ELAPOR1: variants seen among roughly 807,000 people sequenced by gnomAD.
The protein encoded by ELAPOR1 is endosome-lysosome associated apoptosis and autophagy regulator 1.
A neutral mutation model predicts 119.7 loss-of-function variants in ELAPOR1; 77 were observed. The observed-to-expected ratio is 0.64, with a 90% CI of 0.54 to 0.78. ELAPOR1 has a LOEUF of 0.78. Ranked by LOEUF, ELAPOR1 falls within the 30% of genes least tolerant of loss-of-function variation. ELAPOR1 has a pLI of 0.00. For synonymous variants in ELAPOR1, 481 were observed against 487.2 expected, an observed-to-expected ratio of 0.99 and a Z score of 0.17; for missense variants, 1,115 against 1,270.4, an observed-to-expected ratio of 0.88 and a Z score of 1.86.
At chr1:109,176,027 T>C (rs1040675062) in intron 7 of ELAPOR1, among the ~76,000 whole-genome samples, 23 of 152,274 alleles carry the variant, frequency 1.5e-4, no homozygotes, top group Middle Eastern at 3.4e-3. Context: ...AGAGCATTCA[T>C]TGAAGTCAAA....
chr1:109,144,059 A>ATTTTTTTTTTTTTTTTTT (rs1243626258), intron 1 of ELAPOR1, among the ~76,000 whole-genome samples: 3 of 34,406 alleles, frequency 8.7e-5, no homozygotes, highest in African/African-American at 2.3e-4. Flanking sequence ...ATATATTTAT[A>ATTTTTTTTTTTTTTTTTT]TATTTTTTTT....
Position 109,200,075 on chromosome 1 carries a change from G to A in ELAPOR1, c.2645G>A (p.Trp882Ter), listed in dbSNP as rs1158390661. 1 of 1,614,172 alleles carries A rather than the reference G, an allele frequency of 6.2e-7. No homozygotes were observed. The highest frequency in any genetic ancestry group is 8.5e-7 in the Non-Finnish European group (1 of 1,180,004). ...VAGIQKTTYVWREPKLCSGGI... is the reference protein window; with the variant it reads ...VAGIQKTTYV ...CCCCAACAGAAGACTACTTACGTGT[G>A]GCGAGAACCCAAGCTATGCTCTGGT... The change falls in exon 20 of 22, where the codon TGG becomes TAG. Residue 882 changes from tryptophan to a stop codon, truncating the protein, a stop_gained. Transcript: ENST00000369939. LOFTEE classifies it high-confidence loss of function.
chr1:109,203,289 G>C lies in ELAPOR1; in HGVS notation c.*277G>C, dbSNP rs756332072. 2.2e-6 allele frequency: 1 copy of C among 445,710 alleles called. No individual in the cohort carries two copies. Among genetic ancestry groups the C allele is most frequent in the African/African-American group, 2.1e-5 (1 of 48,084 alleles). The allele number at this position is 445,710 out of a possible 1,614,324, so 27.6% of individuals were successfully genotyped here. ...GCCCATCCGCCAGAGCCATAGCTTC[G>C]TCTGCTCATAATTCTTATAGCTTTG... is the stretch of plus-strand genomic sequence containing the variant. On this transcript the variant is annotated 3_prime_UTR_variant, in exon 22 of 22. Transcript: ENST00000369939.
At chr1:109,159,059 A>T (rs1651076023) in intron 1 of ELAPOR1, among the ~76,000 whole-genome samples, 1 of 151,700 alleles carries the variant, frequency 6.6e-6, no homozygotes, top group Admixed American at 6.6e-5. Context: ...CACCACACCT[A>T]ATTTTTGTAT....
chr1:109,134,038 TG>T (rs1649308222), intron 1 of ELAPOR1, among the ~76,000 whole-genome samples: 1 of 152,042 alleles, frequency 6.6e-6, no homozygotes, highest in Non-Finnish European at 1.5e-5. Context: ...TGGTCATGGG[TG>T]GGCGGAAGTG....
At chr1:109,200,679 T>G in intron 20 of ELAPOR1, 56 bp from the exon 21 acceptor site, 1 of 1,553,160 alleles carries the variant, frequency 6.4e-7, no homozygotes, top group Non-Finnish European at 8.8e-7. Context: ...CTCTACCTCT[T>G]TCCCCCTTAT....
At chr1:109,131,951 T>G (rs746261760) in intron 1 of ELAPOR1, among the ~76,000 whole-genome samples, 19 of 152,176 alleles carry the variant, frequency 1.2e-4, no homozygotes, top group Non-Finnish European at 2.5e-4. Flanking sequence ...GAGGCCAGAC[T>G]TGGAGGCCCT....
At chr1:109,184,034 G>A (rs1339944134) in intron 7 of ELAPOR1, among the ~76,000 whole-genome samples, 1 of 151,988 alleles carries the variant, frequency 6.6e-6, no homozygotes, top group Non-Finnish European at 1.5e-5. Flanking sequence ...TCCAGCCTCA[G>A]CAACAGAACA....
At chr1:109,144,061 A>ATATATTTTTTTTTTTTTTTTTTTTT in intron 1 of ELAPOR1, among the ~76,000 whole-genome samples, 3 of 88,990 alleles carry the variant, frequency 3.4e-5, no homozygotes, top group African/African-American at 9.6e-5. Context: ...ATATTTATAT[A>ATATATTTTTTTTTTTTTTTTTTTTT]TTTTTTTTTT....
chr1:109,184,954 C>G, intron 7 of ELAPOR1, 91 bp from the exon 8 acceptor site: 1 of 918,240 alleles, frequency 1.1e-6, no homozygotes, highest in South Asian at 1.3e-5. Context: ...GCAATGCACC[C>G]AGGGACTTGG....
chr1:109,203,879 C>CAAAAAA lies in ELAPOR1; in HGVS notation c.*883_*888dup, dbSNP rs71069661. On this transcript the variant is annotated 3_prime_UTR_variant, in exon 22 of 22. Transcript: ENST00000369939. Reference sequence around the variant, plus strand: ...TGGGTGACAGAGTGAGACTCTGCCTCAAAAAAAAAAAAAAAAAAAAAGAAA... The same window carrying CAAAAAA: ...TGGGTGACAGAGTGAGACTCTGCCTCAAAAAAAAAAAAAAAAAAAAAAAAAAAGAAA... 9.5e-6 allele frequency: 1 copy of CAAAAAA among 105,124 alleles called. No homozygotes were observed. Among genetic ancestry groups the CAAAAAA allele is most frequent in the Non-Finnish European group, 1.9e-5 (1 of 52,266 alleles). The allele number at this position is 105,124 out of a possible 1,614,324, so 6.5% of individuals were successfully genotyped here.
chr1:109,175,893 T>C (rs1182331364), intron 7 of ELAPOR1, among the ~76,000 whole-genome samples: 4 of 147,122 alleles, frequency 2.7e-5, no homozygotes, highest in African/African-American at 1.0e-4. Context: ...TTAAAATGTA[T>C]AAATTTATAC....
rs11102952 is a variant in ELAPOR1 at position 109,186,831 on chromosome 1, C to T, written c.1042-1346C>T. The T allele has an allele frequency of 6.9e-3, 6,842 of 985,510 alleles. 368 individuals are homozygous for T. In the African/African-American group the frequency reaches 0.11, roughly 15 times the overall value. 61.0% of individuals were successfully genotyped at this position (985,510 alleles called of 1,614,324 possible). A position where few individuals can be genotyped will look rare whatever the true frequency, so the allele number is the denominator to read the frequency against. ...ACGCCAAGGCCTTCTGGGTCAGTAC[C>T]GTGCTTGCTGCCTGAAAGCCCGGGT... On this transcript the variant is annotated intron_variant, in intron 8 of 21. Transcript: ENST00000369939.
chr1:109,148,248 C>T (rs1373976674), intron 1 of ELAPOR1, among the ~76,000 whole-genome samples: 4 of 85,156 alleles, frequency 4.7e-5, no homozygotes, highest in East Asian at 1.1e-3. Flanking sequence ...AAGCGATTCT[C>T]CTGCCTCAGT....
At chr1:109,126,516 G>A (rs1331610534) in intron 1 of ELAPOR1, among the ~76,000 whole-genome samples, 1 of 152,020 alleles carries the variant, frequency 6.6e-6, no homozygotes, top group Non-Finnish European at 1.5e-5. Context: ...TGTTGCCCAG[G>A]CTGGAGTGCA....
chr1:109,150,797 T>C (rs539891148), intron 1 of ELAPOR1, among the ~76,000 whole-genome samples: 31 of 152,228 alleles, frequency 2.0e-4, no homozygotes, highest in Non-Finnish European at 4.1e-4. Flanking sequence ...CTCTGGAGCA[T>C]AATTTGAAAA....
At chr1:109,158,388 G>A (rs1651023225) in intron 1 of ELAPOR1, among the ~76,000 whole-genome samples, 1 of 150,692 alleles carries the variant, frequency 6.6e-6, no homozygotes, top group Non-Finnish European at 1.5e-5. Flanking sequence ...GTGAGTCTGA[G>A]TGAATTCTTC....
chr1:109,151,066 C>T (rs1224476296), intron 1 of ELAPOR1, among the ~76,000 whole-genome samples: 3 of 151,996 alleles, frequency 2.0e-5, no homozygotes, highest in Non-Finnish European at 4.4e-5. Flanking sequence ...GGTTAAGGAC[C>T]CCTGTCTTGT....
intron 3 of ELAPOR1, 140 bp downstream of exon 3, chr1:109,164,831 C>A (rs1651487797): frequency 1.3e-6 from 1 of 783,744 alleles, no homozygotes; most frequent in Non-Finnish European, 2.0e-6. Flanking sequence ...CAGGGTGAGG[C>A]CTGCAGCTGT....
Sources: gnomAD v4.1 joint callset for allele counts (sites outside exome capture counted in the v4.1 genomes callset) on GRCh38, gnomAD v4.1.1 for gene constraint, MANE v1.5 for transcripts, NCBI Gene and HGNC (gene_info 2026-07-23, HGNC 2026-07-21) for gene names.